Variants in IKZF3 observed in about 807,000 individuals in gnomAD.
The protein encoded by IKZF3 is IKAROS family zinc finger 3, also known as zinc finger protein Aiolos.
Under a neutral mutation model 49.0 loss-of-function variants are expected in IKZF3, and 10 were observed. That is an observed-to-expected ratio of 0.20 (90% confidence interval 0.13 to 0.35). IKZF3 has a LOEUF of 0.35. Among genes scored for constraint, IKZF3 ranks in the 10% least tolerant of loss-of-function variants. The pLI is 1.00. For synonymous variants in IKZF3, 209 were observed against 228.2 expected (o/e 0.92, Z 0.76); for missense variants, 498 against 664.8 (o/e 0.75, Z 2.76).
intron 4 of IKZF3, among the ~76,000 whole-genome samples, chr17:39,792,115 A>G (rs999421817): frequency 2.0e-5 from 3 of 152,088 alleles, no homozygotes; most frequent in African/African-American, 7.2e-5. Flanking sequence ...CCAGAAACTA[A>G]AGTCCTTACA....
Position 39,850,884 on chromosome 17 carries a change from A to G in IKZF3, c.7+13236T>C, listed in dbSNP as rs563394359. ...TATAGTATATATACATATATAATAT[A>G]CTCTATAGTATATATTATATACGTA... On this transcript the variant is annotated intron_variant, in intron 1 of 7. Coordinates refer to ENST00000346872, the MANE Select transcript of IKZF3 (RefSeq NM_012481.5). 5.3e-3 allele frequency among the ~76,000 whole-genome samples: 582 copies of G among 110,300 alleles called. 4 individuals are homozygous for G. Among genetic ancestry groups the G allele is most frequent in the African/African-American group, 0.017 (512 of 31,016 alleles). 72.4% of individuals were successfully genotyped at this position (110,300 alleles called of 152,430 possible).
At chr17:39,818,172 A>C (rs2144167459) in intron 3 of IKZF3, among the ~76,000 whole-genome samples, 1 of 152,368 alleles carries the variant, frequency 6.6e-6, no homozygotes, top group South Asian at 2.1e-4. Flanking sequence ...ATCTAAACTT[A>C]GAAAAGATAC....
intron 7 of IKZF3, among the ~76,000 whole-genome samples, chr17:39,767,053 T>C (rs966637460): frequency 2.0e-5 from 3 of 152,066 alleles, no homozygotes; most frequent in Non-Finnish European, 2.9e-5. Flanking sequence ...CCCCCCAGAC[T>C]CCAACTGGCT....
chr17:39,768,224 TA>T (rs1213226343), intron 7 of IKZF3, among the ~76,000 whole-genome samples: 1 of 152,166 alleles, frequency 6.6e-6, no homozygotes, highest in Non-Finnish European at 1.5e-5. Context: ...ATTTAGGCAT[TA>T]AGGGAATGCA....
intron 3 of IKZF3, among the ~76,000 whole-genome samples, chr17:39,800,356 AC>A (rs1336806297): frequency 6.6e-6 from 1 of 152,160 alleles, no homozygotes; most frequent in Non-Finnish European, 1.5e-5. Context: ...TTTAATCTAT[AC>A]ATGTAATTAT....
chr17:39,839,165 G>A (rs553331009), intron 1 of IKZF3, among the ~76,000 whole-genome samples: 6 of 148,124 alleles, frequency 4.1e-5, no homozygotes, highest in Non-Finnish European at 7.4e-5. Flanking sequence ...TTTTTTTTTC[G>A]TATTTTTTGA....
chr17:39,856,262 G>T (rs993739520), intron 1 of IKZF3, among the ~76,000 whole-genome samples: 1 of 152,058 alleles, frequency 6.6e-6, no homozygotes, highest in African/African-American at 2.4e-5. Flanking sequence ...AAAGTACAGG[G>T]AATAAGACAG....
intron 1 of IKZF3, among the ~76,000 whole-genome samples, chr17:39,842,396 G>GC (rs2062503560): frequency 6.6e-6 from 1 of 152,176 alleles, no homozygotes; most frequent in South Asian, 2.1e-4. Context: ...AGGCATGGTG[G>GC]CGCATGCCTG....
chr17:39,788,075 G>A (rs975263294), intron 6 of IKZF3, among the ~76,000 whole-genome samples, 183 bp downstream of exon 6: 1 of 152,170 alleles, frequency 6.6e-6, no homozygotes, highest in African/African-American at 2.4e-5. Flanking sequence ...CTCAGCAACT[G>A]CTTCATTTTT....
At chr17:39,863,030 T>C (rs988129404) in intron 1 of IKZF3, among the ~76,000 whole-genome samples, 1 of 152,190 alleles carries the variant, frequency 6.6e-6, no homozygotes, top group Non-Finnish European at 1.5e-5. Context: ...TAATCATTTG[T>C]AATAATTAAA....
intron 1 of IKZF3, among the ~76,000 whole-genome samples, chr17:39,850,417 CATATTGT>C: frequency 9.2e-6 from 1 of 108,314 alleles, no homozygotes; most frequent in African/African-American, 3.8e-5. Context: ...TAATATATAG[CATATTGT>C]ATGTATATAT....
At position 39,780,827 on chromosome 17, in the gene IKZF3, A is replaced by G. The variant is rs150679842; in HGVS notation, c.710-3060T>C. On this transcript the variant is annotated intron_variant, in intron 6 of 7. Transcript: ENST00000346872. Reference sequence around the variant, plus strand: ...CACAGTGAGATCCCATCTCTTAAAAAGAAAAAGAAATCCAGCTCCAAAAAT... The same window carrying G: ...CACAGTGAGATCCCATCTCTTAAAAGGAAAAAGAAATCCAGCTCCAAAAAT... 4.6e-3 allele frequency among the ~76,000 whole-genome samples: 704 copies of G among 152,366 alleles called. 3 individuals carry two copies. The Middle Eastern group carries it at 0.068, about 15-fold the overall frequency.
Position 39,855,305 on chromosome 17 carries a change from C to T in IKZF3, c.7+8815G>A, listed in dbSNP as rs147453946. ...AACTCTTGTTGAAATGTGAGACTAA[C>T]AGTGAAATACCTCAAGGTCATCGTG... On this transcript the variant is annotated intron_variant, in intron 1 of 7. Coordinates refer to ENST00000346872, the MANE Select transcript of IKZF3 (RefSeq NM_012481.5). Among the ~76,000 whole-genome samples, 154 of 152,290 alleles carry T rather than the reference C, an allele frequency of 1.0e-3. 2 individuals are homozygous for T. The highest frequency in any genetic ancestry group is 3.5e-3 in the African/African-American group (145 of 41,568).
In IKZF3 at chr17:39,829,419, T is replaced by C. The variant is rs1391269589; in HGVS notation, c.131A>G (p.Glu44Gly). The C allele has an allele frequency of 1.2e-6, 2 of 1,613,928 alleles. No individual in the cohort carries two copies. The highest frequency in any genetic ancestry group is 1.7e-6 in the Non-Finnish European group (2 of 1,179,910). Reference protein sequence around the residue: ...SHEMENVDSGEGPANEDEDIG... With the variant: ...SHEMENVDSGGGPANEDEDIG... The stretch of plus-strand genomic sequence containing the variant: ...GTCTTCATCTTCATTGGCTGGGCCT[T>C]CTCCACTGTCCACATTTTCCATTTC... The change falls in exon 3 of 8, where the codon GAA (glutamate) becomes GGA (glycine). Residue 44 changes from glutamate (E) to glycine (G), a missense_variant. By Grantham distance (98) the Glu-to-Gly change is moderately conservative. Coordinates refer to ENST00000346872, the MANE Select transcript of IKZF3 (RefSeq NM_012481.5).
At chr17:39,835,876 T>A (rs1353979646) in intron 1 of IKZF3, 2 of 634,152 alleles carry the variant, frequency 3.2e-6, no homozygotes, top group East Asian at 7.5e-5. Context: ...TCCTCGTACT[T>A]GTTCTTGAAG....
chr17:39,850,819 TATA>T (rs1349412294), intron 1 of IKZF3, among the ~76,000 whole-genome samples: 7 of 85,010 alleles, frequency 8.2e-5, no homozygotes, highest in Non-Finnish European at 1.7e-4. Flanking sequence ...TATATACATA[TATA>T]ATATGCTATA....
intron 1 of IKZF3, among the ~76,000 whole-genome samples, chr17:39,850,761 T>TGCA: frequency 1.6e-5 from 1 of 62,258 alleles, no homozygotes. Context: ...ATACTATATA[T>TGCA]TATATATAAT....
At chr17:39,848,710 T>G (rs552456083) in intron 1 of IKZF3, among the ~76,000 whole-genome samples, 20 of 152,330 alleles carry the variant, frequency 1.3e-4, no homozygotes, top group African/African-American at 4.8e-4. Flanking sequence ...AGACAGGGTC[T>G]CACTCTGTTG....
chr17:39,847,852 C>A (rs906559670), intron 1 of IKZF3, among the ~76,000 whole-genome samples: 1 of 152,192 alleles, frequency 6.6e-6, no homozygotes, highest in African/African-American at 2.4e-5. Flanking sequence ...AGAAGAGAAG[C>A]AGGATTTGTC....
Sources: allele counts gnomAD v4.1 joint callset (sites outside exome capture counted in the v4.1 genomes callset), GRCh38; gene constraint gnomAD v4.1.1; transcripts MANE v1.5; gene names NCBI Gene and HGNC (gene_info 2026-07-23, HGNC 2026-07-21).